The following NBAS variants were observed in gnomAD, a reference collection of about 807,000 sequenced individuals.
NBAS encodes the protein NBAS subunit of NRZ tethering complex.
NBAS carries 219 observed loss-of-function variants against 302.5 expected under a neutral mutation model. The observed-to-expected ratio is 0.72, with a 90% confidence interval of 0.65 to 0.81. NBAS has a LOEUF of 0.81. NBAS is among the 30% of genes least tolerant of loss of function. NBAS has a pLI of 0.00. For synonymous variants in NBAS, 1,118 were observed against 1,021.6 expected (o/e 1.09, Z -1.80); for missense variants, 2,932 against 2,841.6 (o/e 1.03, Z -0.72).
intron 7 of NBAS, chr2:15,538,349 G>C (rs192967954): frequency 3.5e-5 from 17 of 481,822 alleles, no homozygotes; most frequent in Admixed American, 1.7e-4. Context: ...CACAACACAC[G>C]TTTTTAGTTT....
chr2:15,271,813 T>C (rs1669337998), intron 44 of NBAS, among the ~76,000 whole-genome samples: 1 of 152,188 alleles, frequency 6.6e-6, no homozygotes, highest in East Asian at 1.9e-4. Context: ...TTTTCCTGGA[T>C]TTCTAACCCA....
chr2:15,280,019 C>G (rs1444384168), intron 42 of NBAS, among the ~76,000 whole-genome samples: 2 of 152,124 alleles, frequency 1.3e-5, no homozygotes, highest in Non-Finnish European at 2.9e-5. Context: ...GTGATTTTTC[C>G]TGAACCAAGT....
intron 35 of NBAS, among the ~76,000 whole-genome samples, chr2:15,348,925 A>T (rs983232103): frequency 2.0e-5 from 3 of 152,228 alleles, no homozygotes; most frequent in Non-Finnish European, 4.4e-5. Flanking sequence ...TAGGGAATAT[A>T]GAGAACGGGG....
rs755635628 is a variant in NBAS at position 15,534,594 on chromosome 2, C to G, written c.695G>C (p.Ser232Thr). The change falls in exon 9 of 52, where the codon AGT (serine) becomes ACT (threonine). Residue 232 changes from serine (S) to threonine (T), a missense_variant. Ser to Thr is a moderately conservative substitution (Grantham distance 58). Coordinates refer to ENST00000281513, the MANE Select transcript of NBAS (RefSeq NM_015909.4). ...GTTGATTCCATGAGGATAATGACTA[C>G]TGAAGCTGAAACAGTGACTTTCTTG... The part of the protein sequence containing the change: ...SYQESHCFSF[S>T]SHYPHGINTA... 6.2e-7 allele frequency: 1 copy of G among 1,613,852 alleles called. No individual in the cohort carries two copies. Among genetic ancestry groups the G allele is most frequent in the East Asian group, 2.2e-5 (1 of 44,838 alleles).
chr2:15,392,896 T>C (rs537502231), intron 28 of NBAS, among the ~76,000 whole-genome samples: 1 of 152,104 alleles, frequency 6.6e-6, no homozygotes, highest in Middle Eastern at 3.4e-3. Context: ...TAACACAGCA[T>C]GGTATGGGAA....
chr2:14,999,599 C>CT, the NBAS span, among the ~76,000 whole-genome samples: 3 of 152,146 alleles, frequency 2.0e-5, no homozygotes, highest in African/African-American at 7.2e-5. Context: ...GACATGCTTG[C>CT]TTCCTCTTCA....
chr2:15,242,586 A>C (rs1667912427), intron 44 of NBAS, among the ~76,000 whole-genome samples: 1 of 151,948 alleles, frequency 6.6e-6, no homozygotes, highest in East Asian at 1.9e-4. Context: ...AAACTGTTCC[A>C]TAATGGAAGG....
At chr2:14,800,578 C>G in the NBAS span, among the ~76,000 whole-genome samples, 2 of 152,122 alleles carry the variant, frequency 1.3e-5, no homozygotes, top group African/African-American at 2.4e-5. Context: ...CTATTTAGTG[C>G]TTGATTTAAG....
the NBAS span, among the ~76,000 whole-genome samples, chr2:15,154,705 T>C: frequency 6.6e-6 from 1 of 152,088 alleles, no homozygotes; most frequent in Non-Finnish European, 1.5e-5. Context: ...AGAACCCTAG[T>C]CATCAAGCTG....
intron 44 of NBAS, among the ~76,000 whole-genome samples, chr2:15,268,548 C>T (rs1411635942): frequency 6.6e-6 from 1 of 152,140 alleles, no homozygotes; most frequent in Non-Finnish European, 1.5e-5. Flanking sequence ...AAATTTCAGC[C>T]TCCACATGTG....
At chr2:14,920,906 T>A in the NBAS span, among the ~76,000 whole-genome samples, 1 of 152,044 alleles carries the variant, frequency 6.6e-6, no homozygotes, top group South Asian at 2.1e-4. Flanking sequence ...TGTTTCACTT[T>A]TTTTTTTTTT....
At position 15,438,895 on chromosome 2, in the gene NBAS, G is replaced by C. The variant is rs979234626; in HGVS notation, c.2340-11101C>G. Among the ~76,000 whole-genome samples the C allele has an allele frequency of 3.0e-4, 45 of 152,164 alleles. 1 individual carries two copies. Among genetic ancestry groups the C allele is most frequent in the Non-Finnish European group, 1.3e-4 (9 of 68,030 alleles). On this transcript the variant is annotated intron_variant, in intron 21 of 51. Coordinates refer to ENST00000281513, the MANE Select transcript of NBAS (RefSeq NM_015909.4). ...CAAAGGAGCAGAAAGAACATCCCTGGACCTCACATAGGGCCAGGAATAGTT... is the reference window on the plus strand; with the variant it reads ...CAAAGGAGCAGAAAGAACATCCCTGCACCTCACATAGGGCCAGGAATAGTT...
the NBAS span, among the ~76,000 whole-genome samples, chr2:15,136,100 G>T: frequency 6.6e-6 from 1 of 152,146 alleles, no homozygotes; most frequent in East Asian, 1.9e-4. Flanking sequence ...ACACAAACCT[G>T]AAGGAAGAGC....
chr2:14,785,098 A>T, the NBAS span, among the ~76,000 whole-genome samples: 53 of 152,024 alleles, frequency 3.5e-4, no homozygotes, highest in Non-Finnish European at 6.6e-4. Flanking sequence ...ATGGGAGTTC[A>T]CTCTTGATTT....
chr2:14,840,181 A>C, the NBAS span, among the ~76,000 whole-genome samples: 1 of 151,972 alleles, frequency 6.6e-6, no homozygotes, highest in African/African-American at 2.4e-5. Flanking sequence ...ATAATATTTC[A>C]AGCAGAAGAA....
the NBAS span, among the ~76,000 whole-genome samples, chr2:14,887,989 A>T: frequency 6.6e-6 from 1 of 152,186 alleles, no homozygotes; most frequent in Admixed American, 6.5e-5. Flanking sequence ...AACATCATGA[A>T]GATTTGTACA....
the NBAS span, among the ~76,000 whole-genome samples, chr2:15,035,856 C>T: frequency 9.6e-4 from 146 of 152,056 alleles, no homozygotes; most frequent in African/African-American, 3.3e-3. Context: ...GAGAACGAGG[C>T]CTGTAGGGGG....
intron 38 of NBAS, among the ~76,000 whole-genome samples, chr2:15,313,095 C>T (rs1027843251): frequency 3.3e-5 from 5 of 152,186 alleles, no homozygotes; most frequent in South Asian, 2.1e-4. Flanking sequence ...CCCTAAAAAA[C>T]GAAAGTTAAC....
At chr2:15,227,534 G>C (rs995776072) in intron 47 of NBAS, among the ~76,000 whole-genome samples, 2 of 151,708 alleles carry the variant, frequency 1.3e-5, no homozygotes, top group African/African-American at 4.8e-5. Flanking sequence ...AAAGACCCTG[G>C]ATACCTAAAA....
Sources: gnomAD v4.1 joint callset for allele counts (sites outside exome capture counted in the v4.1 genomes callset) on GRCh38, gnomAD v4.1.1 for gene constraint, MANE v1.5 for transcripts, NCBI Gene and HGNC (gene_info 2026-07-23, HGNC 2026-07-21) for gene names.